The following ANGPT2 variants were observed in gnomAD, a reference collection of about 807,000 sequenced individuals.
ANGPT2 encodes the protein angiopoietin-2.
A neutral mutation model predicts 62.9 loss-of-function variants in ANGPT2; 28 were observed. The observed-to-expected ratio is 0.44, with a 90% CI of 0.33 to 0.61. The LOEUF is 0.61. Ranked by LOEUF, ANGPT2 falls within the 20% of genes least tolerant of loss-of-function variation. The probability of loss-of-function intolerance (pLI) is 0.03; values close to 1 mark genes in which losing one functional copy is unlikely to be tolerated. For missense variants in ANGPT2, 727 were observed against 594.9 expected, an observed-to-expected ratio of 1.22 and a Z score of -2.31; for synonymous variants, 284 against 207.8, an observed-to-expected ratio of 1.37 and a Z score of -3.15.
At chr8:6,548,913 T>A (rs989852466) in intron 1 of ANGPT2, among the ~76,000 whole-genome samples, 9 of 152,344 alleles carry the variant, frequency 5.9e-5, no homozygotes, top group Admixed American at 5.9e-4. Context: ...CTGTTGTATT[T>A]CACTACCTCC....
At chr8:6,505,604 A>T (rs1813437768) in intron 8 of ANGPT2, among the ~76,000 whole-genome samples, 1 of 127,286 alleles carries the variant, frequency 7.9e-6, no homozygotes, top group Non-Finnish European at 1.6e-5. Flanking sequence ...TATGGAATAT[A>T]TATATTCTTT....
intron 5 of ANGPT2, among the ~76,000 whole-genome samples, chr8:6,515,979 G>A (rs1304386390): frequency 1.3e-5 from 2 of 152,158 alleles, no homozygotes; most frequent in Admixed American, 6.5e-5. Context: ...CATTGCCAGT[G>A]CAACCAGAGA....
At chr8:6,540,253 C>G (rs1022701774) in intron 1 of ANGPT2, among the ~76,000 whole-genome samples, 1 of 152,026 alleles carries the variant, frequency 6.6e-6, no homozygotes, top group Non-Finnish European at 1.5e-5. Flanking sequence ...TGTGTGTTTC[C>G]CTTACCACTA....
intron 4 of ANGPT2, among the ~76,000 whole-genome samples, chr8:6,520,299 T>C (rs1817065790): frequency 6.6e-6 from 1 of 152,222 alleles, no homozygotes; most frequent in South Asian, 2.1e-4. Flanking sequence ...ATAAATTAAA[T>C]TATTACTTTT....
intron 5 of ANGPT2, among the ~76,000 whole-genome samples, chr8:6,519,078 A>G (rs914273626): frequency 6.6e-6 from 1 of 152,166 alleles, no homozygotes; most frequent in African/African-American, 2.4e-5. Context: ...AATTGGACAT[A>G]TGCCTTGAAG....
chr8:6,542,191 T>C (rs1821717230), intron 1 of ANGPT2, among the ~76,000 whole-genome samples: 1 of 152,168 alleles, frequency 6.6e-6, no homozygotes, highest in Non-Finnish European at 1.5e-5. Context: ...ATAATAATAA[T>C]GTAACAAAAT....
chr8:6,511,441 A>T (rs1448204688), intron 7 of ANGPT2, among the ~76,000 whole-genome samples: 1 of 152,178 alleles, frequency 6.6e-6, no homozygotes, highest in Non-Finnish European at 1.5e-5. Flanking sequence ...GATTTAATGT[A>T]CGCATAGCTT....
At chr8:6,530,235 C>T (rs753396237) in intron 2 of ANGPT2, among the ~76,000 whole-genome samples, 25 of 152,120 alleles carry the variant, frequency 1.6e-4, no homozygotes, top group Admixed American at 2.6e-4. Context: ...TGGCCAGGTA[C>T]GGTGGCTCAC....
In ANGPT2 at chr8:6,509,198, C is replaced by G; in HGVS notation, c.1197-136G>C. 3.6e-6 allele frequency: 4 copies of G among 1,112,844 alleles called. No homozygotes were observed. The South Asian group carries it at 4.8e-5, about 13-fold the overall frequency. 68.9% of individuals were successfully genotyped at this position (1,112,844 alleles called of 1,614,324 possible). A position where few individuals can be genotyped will look rare whatever the true frequency, so the allele number is the denominator to read the frequency against. ...TTAATGGACTAATGCATACTCTGGACAAAATATTTTGCACTGGTATAAACA... is the reference window on the plus strand; with the variant it reads ...TTAATGGACTAATGCATACTCTGGAGAAAATATTTTGCACTGGTATAAACA... On this transcript the variant is annotated intron_variant, in intron 7 of 8. Coordinates refer to ENST00000629816, the MANE Select transcript of ANGPT2 (RefSeq NM_001118887.2).
At chr8:6,505,320 G>GTT (rs556583432) in intron 8 of ANGPT2, among the ~76,000 whole-genome samples, 1 of 48,558 alleles carries the variant, frequency 2.1e-5, no homozygotes, top group Non-Finnish European at 3.6e-5. Context: ...ACATATATAT[G>GTT]TTATATACAT....
chr8:6,504,769 G>A (rs376090607), intron 8 of ANGPT2, among the ~76,000 whole-genome samples: 1 of 152,108 alleles, frequency 6.6e-6, no homozygotes, highest in Admixed American at 6.5e-5. Flanking sequence ...TTTTATTATT[G>A]TTAAGTCTCT....
chr8:6,552,943 C>T (rs934576908), intron 1 of ANGPT2, among the ~76,000 whole-genome samples: 2 of 151,986 alleles, frequency 1.3e-5, no homozygotes, highest in African/African-American at 4.8e-5. Context: ...CAGGGTTTGC[C>T]AGGGGTTAAG....
chr8:6,532,591 AAT>A, intron 1 of ANGPT2, 104 bp from the exon 2 acceptor site: 5 of 847,370 alleles, frequency 5.9e-6, no homozygotes, highest in Non-Finnish European at 8.3e-6. Flanking sequence ...AAAAAAAAAA[AAT>A]CTATCAAAAG....
chr8:6,551,906 C>G (rs1012037180), intron 1 of ANGPT2, among the ~76,000 whole-genome samples: 1 of 152,184 alleles, frequency 6.6e-6, no homozygotes, highest in African/African-American at 2.4e-5. Context: ...TAAGCTACAT[C>G]TGTATGTAAT....
At chr8:6,539,647 C>T (rs560624529) in intron 1 of ANGPT2, among the ~76,000 whole-genome samples, 11 of 152,232 alleles carry the variant, frequency 7.2e-5, no homozygotes, top group African/African-American at 2.2e-4. Context: ...AGTGCAGCGG[C>T]GTGATCTTGG....
intron 8 of ANGPT2, 133 bp downstream of exon 8, chr8:6,508,799 T>G: frequency 7.9e-7 from 1 of 1,264,240 alleles, no homozygotes; most frequent in Non-Finnish European, 1.1e-6. Flanking sequence ...TTTACCTATA[T>G]CAAGCTAGTG....
intron 1 of ANGPT2, among the ~76,000 whole-genome samples, chr8:6,538,113 T>C (rs549789243): frequency 6.6e-6 from 1 of 152,196 alleles, no homozygotes; most frequent in Non-Finnish European, 1.5e-5. Flanking sequence ...TACACGTTTT[T>C]CTATCCCAAT....
intron 5 of ANGPT2, among the ~76,000 whole-genome samples, chr8:6,519,222 C>G (rs1013413531): frequency 1.3e-5 from 2 of 152,164 alleles, no homozygotes; most frequent in African/African-American, 4.8e-5. Flanking sequence ...TCCTGCGTGT[C>G]CCTCAGACCA....
intron 7 of ANGPT2, among the ~76,000 whole-genome samples, chr8:6,513,000 A>G (rs752360734): frequency 6.6e-6 from 1 of 152,248 alleles, no homozygotes; most frequent in Non-Finnish European, 1.5e-5. Flanking sequence ...ACCTTTTGGA[A>G]TAAAACAGCA....
Sources: gnomAD v4.1 joint callset for allele counts (sites outside exome capture counted in the v4.1 genomes callset) on GRCh38, gnomAD v4.1.1 for gene constraint, MANE v1.5 for transcripts, NCBI Gene and HGNC (gene_info 2026-07-23, HGNC 2026-07-21) for gene names.